The following ANKRD30A variants were observed in gnomAD, a reference collection of about 807,000 sequenced individuals.
The protein encoded by ANKRD30A is ankyrin repeat domain-containing protein 30A.
In ANKRD30A, 170 loss-of-function variants were observed where a neutral mutation model predicts 166.3. That is an observed-to-expected ratio of 1.02 (90% CI 0.90 to 1.16). The LOEUF is 1.16. Ranked by LOEUF, ANKRD30A falls within the 50% of genes most tolerant of loss-of-function variation. The pLI is 0.00. For missense variants in ANKRD30A, 1,630 were observed against 1,518.0 expected, an observed-to-expected ratio of 1.07 and a Z score of -1.23; for synonymous variants, 564 against 508.9, an observed-to-expected ratio of 1.11 and a Z score of -1.46.
chr10:37,138,824 C>A (rs531052004), intron 6 of ANKRD30A, among the ~76,000 whole-genome samples: 1 of 152,280 alleles, frequency 6.6e-6, no homozygotes, highest in Admixed American at 6.5e-5. Context: ...TCCAGGAGAA[C>A]TTCCCCAATC....
intron 34 of ANKRD30A, among the ~76,000 whole-genome samples, chr10:37,227,599 A>G (rs1224247955): frequency 6.6e-6 from 1 of 151,982 alleles, no homozygotes; most frequent in East Asian, 1.9e-4. Context: ...GTATAGAGAA[A>G]CATCTTTACT....
the ANKRD30A span, among the ~76,000 whole-genome samples, chr10:37,258,796 T>C: frequency 6.6e-6 from 1 of 151,344 alleles, no homozygotes; most frequent in Non-Finnish European, 1.5e-5. Context: ...ACCCCTACTC[T>C]ACTAAAAATA....
chr10:37,255,686 T>A, the ANKRD30A span, among the ~76,000 whole-genome samples: 1 of 152,204 alleles, frequency 6.6e-6, no homozygotes, highest in Non-Finnish European at 1.5e-5. Flanking sequence ...TTTTATGGCA[T>A]TTTAATTAAT....
chr10:37,196,205 A>T (rs2132675199), intron 27 of ANKRD30A, among the ~76,000 whole-genome samples: 1 of 151,364 alleles, frequency 6.6e-6, no homozygotes, highest in Middle Eastern at 3.4e-3. Flanking sequence ...AGTTGAGTGA[A>T]CTCACTTCAG....
intron 31 of ANKRD30A, among the ~76,000 whole-genome samples, chr10:37,204,787 A>C (rs1308162399): frequency 2.0e-5 from 3 of 152,232 alleles, no homozygotes; most frequent in Non-Finnish European, 4.4e-5. Flanking sequence ...AAGTGGGCAA[A>C]GGATATGAAC....
At chr10:37,146,487 A>T (rs745701922) in intron 8 of ANKRD30A, among the ~76,000 whole-genome samples, 2 of 152,046 alleles carry the variant, frequency 1.3e-5, no homozygotes, top group Non-Finnish European at 2.9e-5. Flanking sequence ...AGCTGCAGGG[A>T]GTCTGTCCCT....
chr10:37,227,839 C>T lies in ANKRD30A; in HGVS notation c.4186-3622C>T, dbSNP rs376412038. On this transcript the variant is annotated intron_variant, in intron 34 of 35. Transcript: ENST00000361713. ...TTCTATTAACTCATTGTAATTTGTA[C>T]AATCATCTGTAGATGTTATCCATCC... Among the ~76,000 whole-genome samples the T allele has an allele frequency of 2.0e-5, 3 of 151,968 alleles. 1 individual carries two copies. The highest frequency in any genetic ancestry group is 7.2e-5 in the African/African-American group (3 of 41,404).
rs757707796 is a variant in ANKRD30A, at chr10:37,130,324, G to T, written c.456G>T (p.Leu152Phe). 6.3e-7 allele frequency: 1 copy of T among 1,587,528 alleles called. No homozygotes were observed. The highest frequency in any genetic ancestry group is 8.6e-7 in the Non-Finnish European group (1 of 1,167,590). Residue 152 changes from leucine (L) to phenylalanine (F), a missense_variant, in exon 3 of 36, where the codon TTG becomes TTT. By Grantham distance (22) the Leu-to-Phe change is conservative (BLOSUM62 0). Around this residue, in one of 4 missense-constraint regions of ANKRD30A, gnomAD observed 904 missense variants for 818.5 expected, o/e 1.10. Transcript: ENST00000361713. ...ATTATGCTGTTTATAGTGAGATTTT[G>T]TCAGTGGTGGCAAAACTGCTGTCCC... is the stretch of plus-strand genomic sequence containing the variant. ...ALHYAVYSEI[L>F]SVVAKLLSHG...
chr10:37,183,933 G>A (rs1434170398), intron 24 of ANKRD30A, among the ~76,000 whole-genome samples: 1 of 149,998 alleles, frequency 6.7e-6, no homozygotes, highest in African/African-American at 2.4e-5. Flanking sequence ...CAGATCACGA[G>A]GTTAGGAGAT....
Position 37,219,703 on chromosome 10 carries a change from A to ATGTGG in ANKRD30A, c.3992_3996dup (p.Leu1333CysfsTer7), listed in dbSNP as rs760785570. ...ATTATTTCAACTACAAAGCAAAAATATGTGGCTTCAACAGCAATTAGTTCA... is the reference window on the plus strand; with the variant it reads ...ATTATTTCAACTACAAAGCAAAAATATGTGGTGTGGCTTCAACAGCAATTAGTTCA... On this transcript the variant is annotated frameshift_variant, in exon 34 of 36. Coordinates refer to ENST00000361713, the MANE Select transcript of ANKRD30A (RefSeq NM_052997.3). LOFTEE classifies it high-confidence loss of function. 2.5e-6 allele frequency: 4 copies of ATGTGG among 1,609,374 alleles called. No homozygotes were observed. The African/African-American group carries it at 5.4e-5, about 22-fold the overall frequency.
At chr10:37,164,046 G>C (rs1172453553) in intron 17 of ANKRD30A, among the ~76,000 whole-genome samples, 1 of 146,944 alleles carries the variant, frequency 6.8e-6, no homozygotes, top group Non-Finnish European at 1.5e-5. Context: ...ACTTACCAAA[G>C]TGTGATTTGA....
chr10:37,246,061 G>T, the ANKRD30A span, among the ~76,000 whole-genome samples: 5 of 152,130 alleles, frequency 3.3e-5, no homozygotes, highest in Non-Finnish European at 7.3e-5. Context: ...AACTACATCT[G>T]CAAAATTCTG....
rs765960368 is a variant in ANKRD30A at position 37,219,319 on chromosome 10, G to A, written c.3607G>A (p.Ala1203Thr). ...AATTGAATCACACCATCCTAGACTG[G>A]CTTCTGCTGTACAAGACCATGATCA... is the stretch of plus-strand genomic sequence containing the variant. ...AEIESHHPRL[A>T]SAVQDHDQIV... is the part of the protein sequence containing the mutation. The change falls in exon 34 of 36, where the codon GCT becomes ACT. Residue 1203 changes from alanine (A) to threonine (T), a missense_variant. Physicochemically the swap from Ala to Thr is moderately conservative, Grantham distance 58. Around this residue, in one of 4 missense-constraint regions of ANKRD30A, gnomAD observed 712 missense variants for 629.3 expected, o/e 1.13. Transcript: ENST00000361713. 13 of 1,610,216 alleles carry A rather than the reference G, an allele frequency of 8.1e-6. No homozygotes were observed. The African/African-American group carries it at 1.7e-4, about 22-fold the overall frequency.
At chr10:37,194,987 G>A (rs1257910011) in intron 27 of ANKRD30A, among the ~76,000 whole-genome samples, 1 of 152,078 alleles carries the variant, frequency 6.6e-6, no homozygotes, top group Non-Finnish European at 1.5e-5. Flanking sequence ...TGTTAACCAT[G>A]AAAATTATGA....
intron 31 of ANKRD30A, among the ~76,000 whole-genome samples, chr10:37,211,217 T>C (rs2132719846): frequency 6.6e-6 from 1 of 152,194 alleles, no homozygotes; most frequent in Non-Finnish European, 1.5e-5. Context: ...TGTATACATG[T>C]GCCATATTGG....
chr10:37,248,339 A>AGAACACTTGAAAATCACTGTTG, the ANKRD30A span: 1 of 346,138 alleles, frequency 2.9e-6, no homozygotes, highest in South Asian at 2.6e-5. Flanking sequence ...AGCTTGAAAG[A>AGAACACTTGAAAATCACTGTTG]GAACACTTGA....
chr10:37,132,221 T>C lies in ANKRD30A; in HGVS notation c.511-19T>C, dbSNP rs760973511. On this transcript the variant is annotated intron_variant, in intron 3 of 35. Coordinates refer to ENST00000361713, the MANE Select transcript of ANKRD30A (RefSeq NM_052997.3). ...AATATGTAATTTCATGAATTATAAA[T>C]TGTTTTGCTATTTTACAGGCTAGCC... 7 of 1,498,860 alleles carry C rather than the reference T, an allele frequency of 4.7e-6. No homozygotes were observed. The Admixed American group carries it at 1.4e-4, about 30-fold the overall frequency. 92.8% of individuals were successfully genotyped at this position (1,498,860 alleles called of 1,614,324 possible).
At chr10:37,203,533 C>T (rs1222532693) in intron 31 of ANKRD30A, among the ~76,000 whole-genome samples, 16 of 152,000 alleles carry the variant, frequency 1.1e-4, no homozygotes, top group African/African-American at 3.6e-4. Context: ...AGTATCATAC[C>T]GAATGGGCAA....
At chr10:37,197,048 A>G (rs1290449688) in intron 27 of ANKRD30A, among the ~76,000 whole-genome samples, 5 of 152,136 alleles carry the variant, frequency 3.3e-5, no homozygotes, top group Non-Finnish European at 7.4e-5. Flanking sequence ...GTGAAACACA[A>G]TCTCGCTCTT....
Sources: allele counts gnomAD v4.1 joint callset (sites outside exome capture counted in the v4.1 genomes callset), GRCh38; gene constraint gnomAD v4.1.1; regional missense constraint gnomAD v4.1.1; transcripts MANE v1.5; gene names NCBI Gene and HGNC (gene_info 2026-07-23, HGNC 2026-07-21).